GAL3ST2: variants seen among roughly 807,000 people sequenced by gnomAD.
GAL3ST2 encodes the protein beta-galactose-3-O-sulfotransferase 2.
A neutral mutation model predicts 12.9 loss-of-function variants in GAL3ST2; 16 were observed. That is an observed-to-expected ratio of 1.24 (90% CI 0.84 to 1.88). The LOEUF is 1.88. GAL3ST2 is among the 40% of genes most tolerant of loss of function. The probability of loss-of-function intolerance (pLI) is 0.00; values close to 1 mark genes in which losing one functional copy is unlikely to be tolerated. For missense variants in GAL3ST2, 639 were observed against 571.8 expected, an observed-to-expected ratio of 1.12 and a Z score of -1.20; for synonymous variants, 302 against 273.9, an observed-to-expected ratio of 1.10 and a Z score of -1.01.
chr2:241,793,084 T>C lies in GAL3ST2; in HGVS notation c.30-5981T>C, dbSNP rs896934361. Among the ~76,000 whole-genome samples the C allele has an allele frequency of 2.6e-5, 4 of 152,186 alleles. No individual in the cohort carries two copies. The highest frequency in any genetic ancestry group is 5.9e-5 in the Non-Finnish European group (4 of 68,032). On this transcript the variant is annotated intron_variant, in intron 1 of 3. Transcript: ENST00000192314. This position sits in a 1 kb window ranked among gnomAD's most constrained non-coding sequence, Gnocchi z 4.7. ...ATGTCTCATGTCTCCCTACAATGTATAAAGCCAGACTGTGCCCTGACCACC... is the reference window on the plus strand; with the variant it reads ...ATGTCTCATGTCTCCCTACAATGTACAAAGCCAGACTGTGCCCTGACCACC...
In GAL3ST2 at chr2:241,795,631, C is replaced by A. The variant is rs912008599; in HGVS notation, c.30-3434C>A. 9.2e-5 allele frequency among the ~76,000 whole-genome samples: 14 copies of A among 152,326 alleles called. No individual in the cohort carries two copies. The highest frequency in any genetic ancestry group is 1.3e-4 in the Non-Finnish European group (9 of 68,026). ...AGCCGTAAAACTGCCCTTCCCACCT[C>A]GTGCAGCCACTCTCCCGGGGAGGGT... is the stretch of plus-strand genomic sequence containing the variant. On this transcript the variant is annotated intron_variant, in intron 1 of 3. Coordinates refer to ENST00000192314, the MANE Select transcript of GAL3ST2 (RefSeq NM_022134.3). This position sits in a 1 kb window ranked among gnomAD's most constrained non-coding sequence, Gnocchi z 4.5.
chr2:241,791,625 T>C (rs1699694552), intron 1 of GAL3ST2, among the ~76,000 whole-genome samples: 1 of 152,196 alleles, frequency 6.6e-6, no homozygotes, highest in African/African-American at 2.4e-5. Flanking sequence ...AATTCGTGGC[T>C]GGGCTCGGCT....
In GAL3ST2 at chr2:241,776,963, C is replaced by G; in HGVS notation, c.8C>G (p.Ser3Cys). The G allele has an allele frequency of 5.8e-6, 9 of 1,553,782 alleles. No homozygotes were observed. Among genetic ancestry groups the G allele is most frequent in the Non-Finnish European group, 7.9e-6 (9 of 1,145,806 alleles). MM[S>C]MLGGLQRYFR... ...TGGAGGCCAGAGGCCAAGATGATGT[C>G]CATGCTGGGCGGCTTGCAGAGGTAA... The change falls in exon 1 of 4, where the codon TCC (serine) becomes TGC (cysteine). Residue 3 changes from serine to cysteine, a missense_variant. Physicochemically the swap from Ser to Cys is moderately radical, Grantham distance 112. Coordinates refer to ENST00000192314, the MANE Select transcript of GAL3ST2 (RefSeq NM_022134.3).
At position 241,801,996 on chromosome 2, in the gene GAL3ST2, T is replaced by G; in HGVS notation, c.335T>G (p.Phe112Cys). The G allele has an allele frequency of 6.2e-7, 1 of 1,612,662 alleles. No homozygotes were observed. ...GAAGGCGTGGGGTCGCAGCAGCGCT[T>G]CAACATCATGTGCAACCACCTGAGG... is the stretch of plus-strand genomic sequence containing the variant. The part of the protein sequence containing the change: ...YVEGVGSQQR[F>C]NIMCNHLRFN... Residue 112 changes from phenylalanine to cysteine, a missense_variant, in exon 3 of 4, where the codon TTC (phenylalanine) becomes TGC (cysteine). By Grantham distance (205) the Phe-to-Cys change is radical. Coordinates refer to ENST00000192314, the MANE Select transcript of GAL3ST2 (RefSeq NM_022134.3). The surrounding 1 kb of genome is among the most constrained non-coding windows in gnomAD (Gnocchi z 4.4).
chr2:241,784,312 C>T (rs1444786199), intron 1 of GAL3ST2, among the ~76,000 whole-genome samples: 1 of 152,146 alleles, frequency 6.6e-6, no homozygotes, highest in Non-Finnish European at 1.5e-5. Flanking sequence ...GGATTACAGG[C>T]GTGAGCCACC....
intron 1 of GAL3ST2, among the ~76,000 whole-genome samples, chr2:241,786,172 G>A (rs1279221555): frequency 8.6e-6 from 1 of 115,876 alleles, no homozygotes; most frequent in Non-Finnish European, 1.6e-5. Flanking sequence ...TGTGTGTGTT[G>A]GGGGGGATCT....
At chr2:241,781,074 A>G (rs538326307) in intron 1 of GAL3ST2, among the ~76,000 whole-genome samples, 1 of 152,388 alleles carries the variant, frequency 6.6e-6, no homozygotes, top group East Asian at 1.9e-4. Context: ...CTGTATTGTC[A>G]TAAATTAAGA....
Position 241,804,205 on chromosome 2 carries a change from GCTC to G in GAL3ST2, c.*43_*45del. 7.3e-7 allele frequency: 1 copy of G among 1,360,984 alleles called. No individual in the cohort carries two copies. Among genetic ancestry groups the G allele is most frequent in the Non-Finnish European group, 9.5e-7 (1 of 1,047,906 alleles). 84.3% of individuals were successfully genotyped at this position (1,360,984 alleles called of 1,614,324 possible). Reference sequence around the variant, plus strand: ...GGGACGAGGCCTCCTGCGGACACCAGCTCCTCTCTCCGCCGTCACCGGGGAGGC... The same window carrying G: ...GGGACGAGGCCTCCTGCGGACACCAGCTCTCTCCGCCGTCACCGGGGAGGC... On this transcript the variant is annotated 3_prime_UTR_variant, in exon 4 of 4. Transcript: ENST00000192314.
intron 2 of GAL3ST2, among the ~76,000 whole-genome samples, chr2:241,799,421 G>T (rs1292009984): frequency 6.6e-6 from 1 of 152,244 alleles, no homozygotes; most frequent in Non-Finnish European, 1.5e-5. Flanking sequence ...CCTGTGTGTG[G>T]GAGGCAGGGC....
In GAL3ST2 at chr2:241,800,088, A is replaced by T. The variant is rs1401709004; in HGVS notation, c.119+934A>T. Among the ~76,000 whole-genome samples the T allele has an allele frequency of 6.6e-6, 1 of 152,070 alleles. No homozygotes were observed. The highest frequency in any genetic ancestry group is 2.4e-5 in the African/African-American group (1 of 41,392). On this transcript the variant is annotated intron_variant, in intron 2 of 3. Transcript: ENST00000192314. This position sits in a 1 kb window ranked among gnomAD's most constrained non-coding sequence, Gnocchi z 5.2. ...AAGGCTGGGGTGATGTGTGGGCCAG[A>T]GTGTGTAGCCCCCGAGGGAAACAGG...
rs912121418 is a variant in GAL3ST2, at chr2:241,800,739, C to G, written c.120-1042C>G. ...GGGTCAGCGAGGCAGCGTCTGGCAG[C>G]GGGTGAGCTGCACCTGCTTTAACGT... On this transcript the variant is annotated intron_variant, in intron 2 of 3. Transcript: ENST00000192314. This position sits in a 1 kb window ranked among gnomAD's most constrained non-coding sequence, Gnocchi z 5.2. Among the ~76,000 whole-genome samples, 1 of 152,152 alleles carries G rather than the reference C, an allele frequency of 6.6e-6. No homozygotes were observed. Among genetic ancestry groups the G allele is most frequent in the African/African-American group, 2.4e-5 (1 of 41,416 alleles).
intron 1 of GAL3ST2, among the ~76,000 whole-genome samples, chr2:241,785,032 C>A (rs1481711792): frequency 6.6e-6 from 1 of 152,176 alleles, no homozygotes; most frequent in African/African-American, 2.4e-5. Context: ...TGTAACTGGA[C>A]CTGAGCTCTG....
intron 1 of GAL3ST2, among the ~76,000 whole-genome samples, chr2:241,796,650 C>T (rs139487197): frequency 9.2e-5 from 14 of 152,256 alleles, no homozygotes; most frequent in Non-Finnish European, 1.8e-4. Flanking sequence ...CCCTGATGGC[C>T]GGGGGGAGCA....
rs912556720 is a variant in GAL3ST2 at position 241,801,664 on chromosome 2, G to T, written c.120-117G>T. 20 of 1,398,908 alleles carry T rather than the reference G, an allele frequency of 1.4e-5. No individual in the cohort carries two copies. Among genetic ancestry groups the T allele is most frequent in the African/African-American group, 2.8e-5 (2 of 70,206 alleles). 86.7% of individuals were successfully genotyped at this position (1,398,908 alleles called of 1,614,324 possible). A position where few individuals can be genotyped will look rare whatever the true frequency, so the allele number is the denominator to read the frequency against. On this transcript the variant is annotated intron_variant, in intron 2 of 3. Coordinates refer to ENST00000192314, the MANE Select transcript of GAL3ST2 (RefSeq NM_022134.3). This position sits in a 1 kb window ranked among gnomAD's most constrained non-coding sequence, Gnocchi z 4.4. Reference sequence around the variant, plus strand: ...TACCCAGTTGGCCCCCTGGCCTAGAGTTGGGGGGCTCAGGTTGGGAGGTCT... The same window carrying T: ...TACCCAGTTGGCCCCCTGGCCTAGATTTGGGGGGCTCAGGTTGGGAGGTCT...
At position 241,801,688 on chromosome 2, in the gene GAL3ST2, C is replaced by G. The variant is rs541351976; in HGVS notation, c.120-93C>G. On this transcript the variant is annotated intron_variant, in intron 2 of 3. Coordinates refer to ENST00000192314, the MANE Select transcript of GAL3ST2 (RefSeq NM_022134.3). The surrounding 1 kb of genome is among the most constrained non-coding windows in gnomAD (Gnocchi z 4.4). ...AGTTGGGGGGCTCAGGTTGGGAGGTCTCTCCTTGCGGTTGCCGGGCTGGGG... is the reference window on the plus strand; with the variant it reads ...AGTTGGGGGGCTCAGGTTGGGAGGTGTCTCCTTGCGGTTGCCGGGCTGGGG... 289 of 1,495,218 alleles carry G rather than the reference C, an allele frequency of 1.9e-4. 1 individual carries two copies. The African/African-American group carries it at 3.8e-3, about 20-fold the overall frequency. The allele number at this position is 1,495,218 out of a possible 1,614,324, so 92.6% of individuals were successfully genotyped here. A position where few individuals can be genotyped will look rare whatever the true frequency, so the allele number is the denominator to read the frequency against.
intron 1 of GAL3ST2, among the ~76,000 whole-genome samples, chr2:241,785,508 C>T (rs13420370): frequency 0.013 from 2,006 of 148,682 alleles, 47 homozygotes; most frequent in African/African-American, 0.047. Context: ...GCTGAGATTG[C>T]ACCACTGCAC....
In GAL3ST2 at chr2:241,803,600, C is replaced by A; in HGVS notation, c.631C>A (p.Arg211Ser). The A allele has an allele frequency of 6.4e-7, 1 of 1,572,104 alleles. No individual in the cohort carries two copies. The highest frequency in any genetic ancestry group is 8.6e-7 in the Non-Finnish European group (1 of 1,157,910). The stretch of plus-strand genomic sequence containing the variant: ...CGCGCAGTGCGAGGAGGGCTACGTG[C>A]GCGCGCGCATCGCCGAGGTGGAGCG... The part of the protein sequence containing the change: ...PNAQCEEGYV[R>S]ARIAEVERRF... Residue 211 changes from arginine (R) to serine (S), a missense_variant, in exon 4 of 4, where the codon CGC becomes AGC. Coordinates refer to ENST00000192314, the MANE Select transcript of GAL3ST2 (RefSeq NM_022134.3).
Position 241,803,628 on chromosome 2 carries a change from G to A in GAL3ST2, c.659G>A (p.Arg220His). 1.3e-6 allele frequency: 2 copies of A among 1,554,518 alleles called. No individual in the cohort carries two copies. Among genetic ancestry groups the A allele is most frequent in the Non-Finnish European group, 1.7e-6 (2 of 1,148,808 alleles). Residue 220 changes from arginine (R) to histidine (H), a missense_variant, in exon 4 of 4, where the codon CGC becomes CAC. Coordinates refer to ENST00000192314, the MANE Select transcript of GAL3ST2 (RefSeq NM_022134.3). ...GCGCGCATCGCCGAGGTGGAGCGGCGCTTCCGGCTGGTGCTCATCGCCGAG... is the reference window on the plus strand; with the variant it reads ...GCGCGCATCGCCGAGGTGGAGCGGCACTTCCGGCTGGTGCTCATCGCCGAG... ...VRARIAEVER[R>H]FRLVLIAEHL...
At position 241,782,534 on chromosome 2, in the gene GAL3ST2, C is replaced by G. The variant is rs942807400; in HGVS notation, c.29+5550C>G. On this transcript the variant is annotated intron_variant, in intron 1 of 3. Transcript: ENST00000192314. Reference sequence around the variant, plus strand: ...AGAGATGGAGTTTCACCATGTTGGCCAGGCTGGTCTTGAACTTCTGACCTC... The same window carrying G: ...AGAGATGGAGTTTCACCATGTTGGCGAGGCTGGTCTTGAACTTCTGACCTC... Among the ~76,000 whole-genome samples, 5 of 152,096 alleles carry G rather than the reference C, an allele frequency of 3.3e-5. 1 individual carries two copies. Among genetic ancestry groups the G allele is most frequent in the Admixed American group, 3.3e-4 (5 of 15,264 alleles).
Sources: allele counts gnomAD v4.1 joint callset (sites outside exome capture counted in the v4.1 genomes callset), GRCh38; gene constraint gnomAD v4.1.1; non-coding constraint Gnocchi (gnomAD v3.1); transcripts MANE v1.5; gene names NCBI Gene and HGNC (gene_info 2026-07-23, HGNC 2026-07-21).